SGIP1: variants seen among roughly 807,000 people sequenced by gnomAD.
SGIP1 encodes SH3GL interacting endocytic adaptor 1.
A neutral mutation model predicts 107.5 loss-of-function variants in SGIP1; 38 were observed. The observed-to-expected ratio is 0.35, with a 90% CI of 0.27 to 0.46. The LOEUF is 0.46. Among genes scored for constraint, SGIP1 ranks in the 20% least tolerant of loss-of-function variants. The pLI, the probability that SGIP1 is intolerant of heterozygous loss-of-function variation, is 1.00. For synonymous variants in SGIP1, 365 were observed against 366.1 expected, an observed-to-expected ratio of 1.00 and a Z score of 0.03; for missense variants, 929 against 1,019.5, an observed-to-expected ratio of 0.91 and a Z score of 1.21.
At chr1:66,698,379 CTTTT>C (rs397739553) in intron 18 of SGIP1, among the ~76,000 whole-genome samples, 1 of 137,290 alleles carries the variant, frequency 7.3e-6, no homozygotes. Context: ...ATGGTGATGA[CTTTT>C]TTTTTTTTTT....
chr1:66,573,428 A>ACCC, intron 1 of SGIP1, among the ~76,000 whole-genome samples: 1 of 152,174 alleles, frequency 6.6e-6, no homozygotes, highest in Non-Finnish European at 1.5e-5. Context: ...AAAGGAATAT[A>ACCC]AATTATTCTA....
chr1:66,740,347 CTTAA>C (rs960212848), intron 22 of SGIP1, among the ~76,000 whole-genome samples: 6 of 130,330 alleles, frequency 4.6e-5, no homozygotes, highest in African/African-American at 1.6e-4. Context: ...TTTAAATTAC[CTTAA>C]TTAATTGATT....
chr1:66,654,723 G>A (rs1391634367), intron 7 of SGIP1, among the ~76,000 whole-genome samples: 2 of 152,176 alleles, frequency 1.3e-5, no homozygotes, highest in African/African-American at 4.8e-5. Context: ...TTTCTAAACA[G>A]AATGAAGGTG....
Position 66,679,641 on chromosome 1 carries a change from C to T in SGIP1, c.740-37C>T, listed in dbSNP as rs1308614336. Reference sequence around the variant, plus strand: ...AGTGTATTGTATGACTTAGGAAGCACATGACCAATGATACTTAATTTCTCA... The same window carrying T: ...AGTGTATTGTATGACTTAGGAAGCATATGACCAATGATACTTAATTTCTCA... On this transcript the variant is annotated intron_variant, in intron 13 of 24. Transcript: ENST00000371037. 8.8e-6 allele frequency: 14 copies of T among 1,587,788 alleles called. No homozygotes were observed. In the Admixed American group the frequency reaches 1.1e-4, roughly 12 times the overall value.
intron 17 of SGIP1, chr1:66,694,795 C>G: frequency 3.0e-6 from 1 of 335,270 alleles, no homozygotes; most frequent in Non-Finnish European, 5.3e-6. Context: ...TTTAACTGCT[C>G]AGAATTACAT....
At chr1:66,535,716 A>T (rs2053446392) in intron 1 of SGIP1, among the ~76,000 whole-genome samples, 1 of 152,318 alleles carries the variant, frequency 6.6e-6, no homozygotes, top group South Asian at 2.1e-4. Flanking sequence ...GCCTAAATAA[A>T]TTGAGATTGC....
In SGIP1 at chr1:66,750,154, T is replaced by C. The variant is rs186017668; in HGVS notation, c.*7059T>C. ...AGCCAAGTGTTGATATGATGATATA[T>C]TAATCTTATCTATGAACAGAGCTTC... is the stretch of plus-strand genomic sequence containing the variant. On this transcript the variant is annotated 3_prime_UTR_variant, in exon 25 of 25. Coordinates refer to ENST00000371037, the MANE Select transcript of SGIP1 (RefSeq NM_032291.4). Among the ~76,000 whole-genome samples, 326 of 152,180 alleles carry C rather than the reference T, an allele frequency of 2.1e-3. 3 individuals carry two copies. Among genetic ancestry groups the C allele is most frequent in the Admixed American group, 9.8e-3 (150 of 15,266 alleles).
intron 1 of SGIP1, among the ~76,000 whole-genome samples, chr1:66,602,029 T>C (rs534980875): frequency 2.9e-4 from 44 of 152,340 alleles, no homozygotes; most frequent in Admixed American, 5.9e-4. Flanking sequence ...TTCCTTTACA[T>C]ACAGACCAAG....
chr1:66,618,802 A>G (rs951405940), intron 1 of SGIP1, among the ~76,000 whole-genome samples: 1 of 152,234 alleles, frequency 6.6e-6, no homozygotes, highest in Admixed American at 6.5e-5. Context: ...CAAATCGCAT[A>G]TCTTGTGAGA....
chr1:66,695,269 A>AAAAAAAAAAAC, intron 17 of SGIP1, 165 bp from the exon 18 acceptor site: 1 of 1,336,824 alleles, frequency 7.5e-7, no homozygotes. Context: ...AAAAAAAAAA[A>AAAAAAAAAAAC]AAGTGTAGAT....
At chr1:66,657,374 A>G (rs6681460) in intron 7 of SGIP1, among the ~76,000 whole-genome samples, 98,443 of 151,928 alleles carry the variant, frequency 0.65, 32,826 homozygotes, top group East Asian at 1. Flanking sequence ...AAGCAAGCAG[A>G]GATGTAATCA....
intron 1 of SGIP1, among the ~76,000 whole-genome samples, chr1:66,540,717 G>C (rs555735187): frequency 1.3e-4 from 20 of 152,290 alleles, no homozygotes; most frequent in African/African-American, 4.8e-4. Context: ...CAATGTGTTA[G>C]CTGATTTTAT....
chr1:66,577,995 C>T (rs927170849), intron 1 of SGIP1, among the ~76,000 whole-genome samples: 5 of 152,136 alleles, frequency 3.3e-5, no homozygotes, highest in African/African-American at 1.2e-4. Flanking sequence ...AAAACCTATT[C>T]TAACCAAAAT....
Position 66,748,962 on chromosome 1 carries a change from T to A in SGIP1, c.*5867T>A, listed in dbSNP as rs1191635490. ...TTTTCTTTTAACACTAGTTTATATA[T>A]CCTTCAATAATTGTAAATAAAATAA... On this transcript the variant is annotated 3_prime_UTR_variant, in exon 25 of 25. Transcript: ENST00000371037. Among the ~76,000 whole-genome samples the A allele has an allele frequency of 6.6e-6, 1 of 151,976 alleles. No homozygotes were observed.
At chr1:66,608,746 G>C (rs762373261) in intron 1 of SGIP1, among the ~76,000 whole-genome samples, 1 of 152,098 alleles carries the variant, frequency 6.6e-6, no homozygotes, top group African/African-American at 2.4e-5. Context: ...CAAGATTTTC[G>C]CTGACCTTAA....
chr1:66,560,481 C>T (rs1203434289), intron 1 of SGIP1, among the ~76,000 whole-genome samples: 1 of 151,990 alleles, frequency 6.6e-6, no homozygotes, highest in African/African-American at 2.4e-5. Flanking sequence ...TCTGTTTAGA[C>T]ACTAGATAAA....
intron 19 of SGIP1, among the ~76,000 whole-genome samples, chr1:66,721,015 C>T (rs1203738787): frequency 6.6e-6 from 1 of 152,168 alleles, no homozygotes; most frequent in Non-Finnish European, 1.5e-5. Flanking sequence ...TAGGATCTTT[C>T]AACTTCATGT....
chr1:66,673,238 T>C lies in SGIP1; in HGVS notation c.561-43T>C, dbSNP rs185050507. 50 of 1,578,590 alleles carry C rather than the reference T, an allele frequency of 3.2e-5. No individual in the cohort carries two copies. The African/African-American group carries it at 5.8e-4, about 18-fold the overall frequency. The stretch of plus-strand genomic sequence containing the variant: ...TGTATATCTTTTTGAGTATTAATTT[T>C]TGAGCCCTTTCCCTGTATTTTGCCT... On this transcript the variant is annotated intron_variant, in intron 11 of 24. Coordinates refer to ENST00000371037, the MANE Select transcript of SGIP1 (RefSeq NM_032291.4).
chr1:66,658,369 A>G (rs1324719768), intron 7 of SGIP1, among the ~76,000 whole-genome samples: 1 of 152,232 alleles, frequency 6.6e-6, no homozygotes, highest in Non-Finnish European at 1.5e-5. Flanking sequence ...CATTTGCAAC[A>G]TGTGTAAGCA....
Sources: allele counts gnomAD v4.1 joint callset (sites outside exome capture counted in the v4.1 genomes callset), GRCh38; gene constraint gnomAD v4.1.1; transcripts MANE v1.5; gene names NCBI Gene and HGNC (gene_info 2026-07-23, HGNC 2026-07-21).